HMCN1: variants seen among roughly 807,000 people sequenced by gnomAD.
HMCN1 encodes hemicentin-1.
HMCN1 carries 321 observed loss-of-function variants against 625.9 expected under a neutral mutation model. That is an observed-to-expected ratio of 0.51 (90% CI 0.47 to 0.56). The LOEUF is 0.56. Ranked by LOEUF, HMCN1 falls within the 20% of genes least tolerant of loss-of-function variation. The pLI is 0.00. For synonymous variants in HMCN1, 2,425 were observed against 2,417.6 expected (o/e 1.00, Z -0.09); for missense variants, 6,588 against 6,887.3 (o/e 0.96, Z 1.54).
intron 1 of HMCN1, among the ~76,000 whole-genome samples, chr1:185,843,032 T>C (rs1312921269): frequency 6.6e-6 from 1 of 152,222 alleles, no homozygotes; most frequent in African/African-American, 2.4e-5. Flanking sequence ...GTCTGTAGGA[T>C]AAGGGGATTG....
chr1:186,023,864 T>A (rs1278734151), intron 36 of HMCN1, among the ~76,000 whole-genome samples: 5 of 152,188 alleles, frequency 3.3e-5, no homozygotes, highest in African/African-American at 1.2e-4. Context: ...CAATTAAACC[T>A]AGAATAATGT....
At chr1:185,788,885 T>C (rs745741786) in intron 1 of HMCN1, among the ~76,000 whole-genome samples, 18 of 152,324 alleles carry the variant, frequency 1.2e-4, no homozygotes, top group Middle Eastern at 3.4e-3. Context: ...ATTTGATCAT[T>C]ATTTGCCTTC....
intron 11 of HMCN1, among the ~76,000 whole-genome samples, chr1:185,951,979 G>A (rs1354394425): frequency 6.6e-6 from 1 of 152,006 alleles, no homozygotes; most frequent in African/African-American, 2.4e-5. Flanking sequence ...TTTATTTAAT[G>A]TCGGGAGCAG....
chr1:186,063,090 A>ATG (rs1333098082), intron 48 of HMCN1, among the ~76,000 whole-genome samples: 1,312 of 126,242 alleles, frequency 0.01, 65 homozygotes, highest in African/African-American at 0.041. Context: ...ATATATATAT[A>ATG]TATATATATA....
chr1:186,080,212 G>A (rs1659081196), intron 55 of HMCN1, among the ~76,000 whole-genome samples: 1 of 152,138 alleles, frequency 6.6e-6, no homozygotes, highest in South Asian at 2.1e-4. Context: ...ATTCTATTGT[G>A]TGCTTTGTGG....
intron 1 of HMCN1, among the ~76,000 whole-genome samples, chr1:185,746,921 C>T (rs115135543): frequency 0.016 from 2,397 of 152,062 alleles, 64 homozygotes; most frequent in African/African-American, 0.055. Flanking sequence ...TTTCCTTTTT[C>T]GTGAGGACAC....
At chr1:186,160,680 C>T (rs1651398039) in intron 97 of HMCN1, among the ~76,000 whole-genome samples, 1 of 151,980 alleles carries the variant, frequency 6.6e-6, no homozygotes, top group Admixed American at 6.6e-5. Context: ...CGTTATGTAC[C>T]CAGTAGTCAT....
chr1:186,003,809 T>C lies in HMCN1; in HGVS notation c.4440T>C (p.Thr1480=), dbSNP rs767657987. The part of the protein sequence containing the change: ...DVALECQVKG[T]PFPDIHWFKD... ...CCCTTGAATGCCAGGTCAAAGGCAC[T>C]CCCTTTCCTGATATTCATTGGTTCA... The change falls in exon 29 of 107, where the codon ACT becomes ACC. Residue 1480 remains threonine, a synonymous_variant. Coordinates refer to ENST00000271588, the MANE Select transcript of HMCN1 (RefSeq NM_031935.3). 1 of 1,613,252 alleles carries C rather than the reference T, an allele frequency of 6.2e-7. No individual in the cohort carries two copies. The highest frequency in any genetic ancestry group is 8.5e-7 in the Non-Finnish European group (1 of 1,179,348).
Position 186,041,118 on chromosome 1 carries a change from A to G in HMCN1, c.6286A>G (p.Ile2096Val), listed in dbSNP as rs752428319. 13 of 1,612,862 alleles carry G rather than the reference A, an allele frequency of 8.1e-6. No individual in the cohort carries two copies. Among genetic ancestry groups the G allele is most frequent in the South Asian group, 1.1e-5 (1 of 91,068 alleles). ...VNAAGEKQRD[I>V]DLRVYVPPNI... ...TGCTGCTGGAGAAAAGCAAAGGGAC[A>G]TTGACCTCCGAGTATATGGTGAGAC... is the stretch of plus-strand genomic sequence containing the variant. The change falls in exon 40 of 107, where the codon ATT becomes GTT. Residue 2096 changes from isoleucine to valine, a missense_variant. Physicochemically the swap from Ile to Val is conservative, Grantham distance 29. Around this residue, in one of 3 missense-constraint regions of HMCN1, gnomAD observed 4,628 missense variants for 4,853.1 expected, o/e 0.95. Transcript: ENST00000271588.
At chr1:185,856,387 G>A (rs909740823) in intron 2 of HMCN1, among the ~76,000 whole-genome samples, 3 of 151,936 alleles carry the variant, frequency 2.0e-5, no homozygotes, top group African/African-American at 7.3e-5. Flanking sequence ...CTACTCGGGA[G>A]GCTGAGGCAG....
intron 71 of HMCN1, among the ~76,000 whole-genome samples, chr1:186,112,377 G>A (rs1398012772): frequency 6.6e-6 from 1 of 152,222 alleles, no homozygotes; most frequent in African/African-American, 2.4e-5. Flanking sequence ...TGAGGCATCT[G>A]TCCTTTATCT....
intron 6 of HMCN1, among the ~76,000 whole-genome samples, chr1:185,918,273 T>A (rs1385877053): frequency 6.6e-6 from 1 of 152,016 alleles, no homozygotes; most frequent in Non-Finnish European, 1.5e-5. Flanking sequence ...CTGGTGTAAG[T>A]CCAAGAGTCC....
intron 1 of HMCN1, among the ~76,000 whole-genome samples, chr1:185,792,290 CT>C (rs1440316562): frequency 2.0e-5 from 3 of 152,160 alleles, no homozygotes; most frequent in African/African-American, 7.2e-5. Flanking sequence ...CAATCACAGA[CT>C]TATGGTAAGT....
intron 96 of HMCN1, 98 bp downstream of exon 96, chr1:186,152,969 GAA>G: frequency 6.8e-7 from 1 of 1,467,560 alleles, no homozygotes; most frequent in South Asian, 1.1e-5. Flanking sequence ...CTCTGTGGGG[GAA>G]AATGTCCAAA....
chr1:186,033,353 C>G (rs981721972), intron 36 of HMCN1, among the ~76,000 whole-genome samples: 1 of 152,030 alleles, frequency 6.6e-6, no homozygotes, highest in African/African-American at 2.4e-5. Flanking sequence ...ATATACTGTT[C>G]GAGTGATGGG....
chr1:186,066,948 T>G (rs1658156130), intron 49 of HMCN1, among the ~76,000 whole-genome samples: 1 of 152,292 alleles, frequency 6.6e-6, no homozygotes, highest in East Asian at 1.9e-4. Context: ...ACCCAGATCT[T>G]TCTTGCAAGG....
intron 24 of HMCN1, among the ~76,000 whole-genome samples, chr1:185,995,955 A>G (rs1230741477): frequency 1.3e-5 from 2 of 152,262 alleles, no homozygotes; most frequent in East Asian, 3.9e-4. Flanking sequence ...TAGTACTACT[A>G]CTGTTCTAAG....
Position 186,022,365 on chromosome 1 carries a change from TAG to T in HMCN1, c.5626-660_5626-659del, listed in dbSNP as rs999578535. Among the ~76,000 whole-genome samples, 15 of 151,990 alleles carry T rather than the reference TAG, an allele frequency of 9.9e-5. 1 individual carries two copies. Among genetic ancestry groups the T allele is most frequent in the African/African-American group, 3.6e-4 (15 of 41,372 alleles). ...ATGCTTATCTTTAACACCCAGAAAG[TAG>T]AGAGTTTCAAGGAGTTGGTAGTCAA... On this transcript the variant is annotated intron_variant, in intron 35 of 106. Coordinates refer to ENST00000271588, the MANE Select transcript of HMCN1 (RefSeq NM_031935.3).
intron 1 of HMCN1, among the ~76,000 whole-genome samples, chr1:185,827,882 G>T (rs1443521706): frequency 6.6e-6 from 1 of 152,082 alleles, no homozygotes; most frequent in Non-Finnish European, 1.5e-5. Flanking sequence ...TCTTGTAGGA[G>T]AAATAGATTA....
Sources: allele counts gnomAD v4.1 joint callset (sites outside exome capture counted in the v4.1 genomes callset), GRCh38; gene constraint gnomAD v4.1.1; regional missense constraint gnomAD v4.1.1; transcripts MANE v1.5; gene names NCBI Gene and HGNC (gene_info 2026-07-23, HGNC 2026-07-21).